Variants in PLP1 observed in about 807,000 individuals in gnomAD.
PLP1 encodes the protein proteolipid protein 1, also known as myelin proteolipid protein.
PLP1 carries 2 observed loss-of-function variants against 18.5 expected under a neutral mutation model. The observed-to-expected ratio is 0.11, with a 90% CI of 0.04 to 0.34. The LOEUF (loss-of-function observed/expected upper bound fraction) is 0.34, where lower values mean the gene tolerates loss of function less well. PLP1 is among the 10% of genes least tolerant of loss of function. PLP1 has a pLI of 1.00. For missense variants in PLP1, 105 were observed against 207.3 expected (o/e 0.51, Z 3.03); for synonymous variants, 86 against 83.2 (o/e 1.03, Z -0.19).
rs761680101 is a variant in PLP1, at chrX:103,788,183, A to G, written c.622+217A>G. ...GGTGGGAGTTTTCTTGGCCATTCAC[A>G]TTGGCCTACTCTAGTTGACTGCTGT... On this transcript the variant is annotated intron_variant, in intron 4 of 6. Transcript: ENST00000621218. Among the ~76,000 whole-genome samples the G allele has an allele frequency of 8.0e-5, 9 of 111,914 alleles. No individual in the cohort carries two copies. The East Asian group carries it at 8.4e-4, about 10-fold the overall frequency.
At chrX:103,786,169 T>C (rs753378245) in intron 2 of PLP1, 1 of 1,116,571 alleles carries the variant, frequency 9.0e-7, no homozygotes, top group Non-Finnish European at 1.2e-6. Context: ...TCCCTACTCC[T>C]GTGAGTTAGC....
intron 3 of PLP1, 23 bp downstream of exon 3, chrX:103,786,749 G>A: frequency 8.3e-7 from 1 of 1,209,472 alleles, no homozygotes; most frequent in Non-Finnish European, 1.1e-6. Flanking sequence ...AGGATTTTGT[G>A]GCAATAACAA....
chrX:103,788,672 C>A, intron 5 of PLP1, 162 bp downstream of exon 5: 1 of 527,453 alleles, frequency 1.9e-6, no homozygotes. Flanking sequence ...AGCCAATGAG[C>A]ATAGAAGGTA....
chrX:103,789,815 T>C (rs915163079), intron 6 of PLP1, among the ~76,000 whole-genome samples: 1 of 111,709 alleles, frequency 9.0e-6, no homozygotes, highest in Admixed American at 9.5e-5. Flanking sequence ...GAATCCACTT[T>C]GGATACTCTC....
chrX:103,785,787 A>T lies in PLP1; in HGVS notation c.191+19A>T, dbSNP rs746599075. On this transcript the variant is annotated intron_variant, in intron 2 of 6. Transcript: ENST00000621218. Reference sequence around the variant, plus strand: ...TCAATGTGTAAGTACCTGCCCTCCCACACAGACCCATCTTTTTTTTCCCTC... The same window carrying T: ...TCAATGTGTAAGTACCTGCCCTCCCTCACAGACCCATCTTTTTTTTCCCTC... 7.6e-5 allele frequency: 88 copies of T among 1,163,563 alleles called. No individual in the cohort carries two copies. The highest frequency in any genetic ancestry group is 1.0e-4 in the Non-Finnish European group (86 of 852,950).
intron 6 of PLP1, among the ~76,000 whole-genome samples, chrX:103,789,891 A>T (rs2074530442): frequency 1.8e-5 from 2 of 111,967 alleles, no homozygotes. Flanking sequence ...AATTGTTATG[A>T]TTATAATACA....
intron 5 of PLP1, chrX:103,789,098 G>A: frequency 4.7e-6 from 2 of 426,566 alleles, no homozygotes; most frequent in South Asian, 7.2e-5. Flanking sequence ...TAATTATTTT[G>A]GAGTACTGTA....
intron 5 of PLP1, chrX:103,789,039 A>G (rs893543377): frequency 5.3e-6 from 2 of 376,722 alleles, no homozygotes; most frequent in African/African-American, 2.5e-5. Flanking sequence ...TGACAGCAAA[A>G]TGTTGACTTT....
chrX:103,786,233 G>A (rs753741833), intron 2 of PLP1: 149 of 1,141,452 alleles, frequency 1.3e-4, no homozygotes, highest in Non-Finnish European at 1.7e-4. Context: ...AGGTCCCAGG[G>A]TAAGCAAGGT....
chrX:103,780,693 T>G (rs1377997289), intron 1 of PLP1: 1 of 111,889 alleles, frequency 8.9e-6, no homozygotes, highest in East Asian at 2.8e-4. Flanking sequence ...AAAAGGGATA[T>G]GTAGGAAAGA....
In PLP1 at chrX:103,786,251, G is replaced by A. The variant is rs746727972; in HGVS notation, c.192-214G>A. 11 of 1,132,883 alleles carry A rather than the reference G, an allele frequency of 9.7e-6. No individual in the cohort carries two copies. The East Asian group carries it at 3.0e-4, about 31-fold the overall frequency. 93.4% of individuals were successfully genotyped at this position (1,132,883 alleles called of 1,213,427 possible). A position where few individuals can be genotyped will look rare whatever the true frequency, so the allele number is the denominator to read the frequency against. On this transcript the variant is annotated intron_variant, in intron 2 of 6. Transcript: ENST00000621218. ...TCCCAGGGTAAGCAAGGTGTGGCGGGAGGGGCATATGTTTCTGGTCACATA... is the reference window on the plus strand; with the variant it reads ...TCCCAGGGTAAGCAAGGTGTGGCGGAAGGGGCATATGTTTCTGGTCACATA...
At position 103,790,663 on chromosome X, in the gene PLP1, T is replaced by C. The variant is rs770718948; in HGVS notation, c.*65T>C. ...TAACCACACAGCCTACAATGCTGCG[T>C]CTCCCATCTTAACTCTTTGCCTTTG... On this transcript the variant is annotated 3_prime_UTR_variant, in exon 7 of 7. Coordinates refer to ENST00000621218, the MANE Select transcript of PLP1 (RefSeq NM_000533.5). 2.1e-5 allele frequency: 17 copies of C among 824,648 alleles called. No individual in the cohort carries two copies. Among genetic ancestry groups the C allele is most frequent in the Admixed American group, 1.8e-4 (8 of 45,242 alleles). The allele number at this position is 824,648 out of a possible 1,213,427, so 68.0% of individuals were successfully genotyped here. A position where few individuals can be genotyped will look rare whatever the true frequency, so the allele number is the denominator to read the frequency against.
chrX:103,790,361 T>C (rs1417441585), intron 6 of PLP1, among the ~76,000 whole-genome samples, 166 bp from the exon 7 acceptor site: 1 of 112,996 alleles, frequency 8.8e-6, no homozygotes. Context: ...CAGTCAAGTG[T>C]ATATGGAGAA....
At chrX:103,784,010 C>T (rs183866945) in intron 1 of PLP1, among the ~76,000 whole-genome samples, 2 of 112,203 alleles carry the variant, frequency 1.8e-5, no homozygotes, top group African/African-American at 6.5e-5. Flanking sequence ...ATTCTCATTT[C>T]TTCTACATTT....
Position 103,786,621 on chromosome X carries a change from G to A in PLP1, c.348G>A (p.Thr116=). ...TCTGCGGCAAGGGCCTGAGCGCAAC[G>A]GTAACAGGGGGCCAGAAGGGGAGGG... is the stretch of plus-strand genomic sequence containing the variant. ...TTICGKGLSA[T]VTGGQKGRGS... The change falls in exon 3 of 7, where the codon ACG becomes ACA. Residue 116 remains threonine, a synonymous_variant. Coordinates refer to ENST00000621218, the MANE Select transcript of PLP1 (RefSeq NM_000533.5). 1.7e-6 allele frequency: 2 copies of A among 1,211,429 alleles called. No homozygotes were observed. The highest frequency in any genetic ancestry group is 2.2e-6 in the Non-Finnish European group (2 of 895,194).
intron 1 of PLP1, among the ~76,000 whole-genome samples, chrX:103,781,703 G>T (rs915658698): frequency 1.1e-4 from 12 of 112,368 alleles, no homozygotes; most frequent in African/African-American, 3.9e-4. Flanking sequence ...ACTGGAGGGG[G>T]TCATTATTTT....
At chrX:103,780,017 C>T (rs1281449924) in intron 1 of PLP1, 3 of 112,854 alleles carry the variant, frequency 2.7e-5, no homozygotes. Context: ...GCTTTTCCTT[C>T]CTTTCCTGCT....
At chrX:103,780,051 C>T (rs2074439603) in intron 1 of PLP1, 1 of 113,112 alleles carries the variant, frequency 8.8e-6, no homozygotes, top group Admixed American at 9.3e-5. Flanking sequence ...CAGTGCCAAA[C>T]TTACATCAAA....
chrX:103,788,637 A>G, intron 5 of PLP1, 127 bp downstream of exon 5: 1 of 610,421 alleles, frequency 1.6e-6, no homozygotes, highest in Non-Finnish European at 2.9e-6. Flanking sequence ...ATTGCCTTCT[A>G]CAACATGTTG....
Sources: allele counts gnomAD v4.1 joint callset (sites outside exome capture counted in the v4.1 genomes callset), GRCh38; gene constraint gnomAD v4.1.1; transcripts MANE v1.5; gene names NCBI Gene and HGNC (gene_info 2026-07-23, HGNC 2026-07-21).